The following CD68 variants were observed in gnomAD, a reference collection of about 807,000 sequenced individuals.
CD68 encodes macrosialin.
CD68 carries 24 observed loss-of-function variants against 31.3 expected under a neutral mutation model. That is an observed-to-expected ratio of 0.77 (90% CI 0.55 to 1.08). The LOEUF (loss-of-function observed/expected upper bound fraction) is 1.08. Among genes scored for constraint, CD68 ranks in the 50% least tolerant of loss-of-function variants. The pLI is 0.00. For missense variants in CD68, 461 were observed against 442.5 expected, an observed-to-expected ratio of 1.04 and a Z score of -0.38; for synonymous variants, 190 against 179.6, an observed-to-expected ratio of 1.06 and a Z score of -0.46.
chr17:7,580,280 G>A lies in CD68; in HGVS notation c.520G>A (p.Ala174Thr). 2 of 1,614,004 alleles carry A rather than the reference G, an allele frequency of 1.2e-6. No homozygotes were observed. Among genetic ancestry groups the A allele is most frequent in the African/African-American group, 2.7e-5 (2 of 74,994 alleles). The change falls in exon 2 of 6, where the codon GCC becomes ACC. Residue 174 changes from alanine to threonine, a missense_variant. Ala to Thr is a moderately conservative substitution (Grantham distance 58). Transcript: ENST00000250092. The surrounding 1 kb of genome is among the most constrained non-coding windows in gnomAD (Gnocchi z 4.3). ...TTCCCAGCCCTGTGTCCACCTCCAAGCCCAGATTCAGATTCGAGTCATGTA... is the reference window on the plus strand; with the variant it reads ...TTCCCAGCCCTGTGTCCACCTCCAAACCCAGATTCAGATTCGAGTCATGTA... ...NGSQPCVHLQ[A>T]QIQIRVMYTT...
chr17:7,580,999 C>G lies in CD68; in HGVS notation c.864C>G (p.Val288=). 6.2e-7 allele frequency: 1 copy of G among 1,614,022 alleles called. No homozygotes were observed. The highest frequency in any genetic ancestry group is 8.5e-7 in the Non-Finnish European group (1 of 1,179,940). ...CGAGCATCATTCTTTCACCAGCTGT[C>G]CACCTCGACCTGCTCTCCCTGAGGC... ...SNSSIILSPA[V]HLDLLSLRLQ... Residue 288 remains valine, a synonymous_variant, in exon 5 of 6, where the codon GTC becomes GTG. Coordinates refer to ENST00000250092, the MANE Select transcript of CD68 (RefSeq NM_001251.3). The surrounding 1 kb of genome is among the most constrained non-coding windows in gnomAD (Gnocchi z 4.3).
At position 7,580,754 on chromosome 17, in the gene CD68, A is replaced by G. The variant is rs201062245; in HGVS notation, c.731A>G (p.Glu244Gly). 6.2e-7 allele frequency: 1 copy of G among 1,614,000 alleles called. No individual in the cohort carries two copies. Among genetic ancestry groups the G allele is most frequent in the African/African-American group, 1.3e-5 (1 of 74,946 alleles). Residue 244 changes from glutamate (E) to glycine (G), a missense_variant, in exon 4 of 6, where the codon GAG becomes GGG. Transcript: ENST00000250092. The surrounding 1 kb of genome is among the most constrained non-coding windows in gnomAD (Gnocchi z 4.3). The stretch of plus-strand genomic sequence containing the variant: ...GTCTACCTGAGCTACATGGCGGTGG[A>G]GTACAATGTGTCCTTCCCCCACGCA... ...KVVYLSYMAVEYNVSFPHAAQ... is the reference protein window; with the variant it reads ...KVVYLSYMAVGYNVSFPHAAQ...
Position 7,581,844 on chromosome 17 carries a change from G to A in CD68, c.*333G>A. ...TTGGGAGGCTGAGGCAGAACTGCTT[G>A]AACCCAGGAGGTGGAGGTTGCAGTG... On this transcript the variant is annotated 3_prime_UTR_variant, in exon 6 of 6. Coordinates refer to ENST00000250092, the MANE Select transcript of CD68 (RefSeq NM_001251.3). The A allele has an allele frequency of 3.4e-6, 1 of 293,122 alleles. No homozygotes were observed. Among genetic ancestry groups the A allele is most frequent in the Non-Finnish European group, 6.8e-6 (1 of 147,670 alleles). 18.2% of individuals were successfully genotyped at this position (293,122 alleles called of 1,614,324 possible).
At chr17:7,581,091 C>T in intron 5 of CD68, 25 bp downstream of exon 5, 1 of 1,597,914 alleles carries the variant, frequency 6.3e-7, no homozygotes, top group Non-Finnish European at 8.6e-7. Flanking sequence ...CTCCTTCCCT[C>T]CTAGAATCCT....
chr17:7,581,309 T>C, intron 5 of CD68, 69 bp from the exon 6 acceptor site: 2 of 1,586,846 alleles, frequency 1.3e-6, no homozygotes, highest in South Asian at 2.2e-5. Context: ...ATCCCCCCAT[T>C]CCCTCCTCCC....
Position 7,581,645 on chromosome 17 carries a change from G to C in CD68, c.*134G>C. The C allele has an allele frequency of 1.0e-6, 1 of 965,720 alleles. No individual in the cohort carries two copies. The highest frequency in any genetic ancestry group is 1.5e-6 in the Non-Finnish European group (1 of 651,690). The allele number at this position is 965,720 out of a possible 1,614,324, so 59.8% of individuals were successfully genotyped here. A position where few individuals can be genotyped will look rare whatever the true frequency, so the allele number is the denominator to read the frequency against. On this transcript the variant is annotated 3_prime_UTR_variant, in exon 6 of 6. Transcript: ENST00000250092. Reference sequence around the variant, plus strand: ...TTCTTGAAGAACAAAAAGAAAGCCGGGCATGACGGCTCATGCCTGTAATCC... The same window carrying C: ...TTCTTGAAGAACAAAAAGAAAGCCGCGCATGACGGCTCATGCCTGTAATCC...
chr17:7,579,724 C>T lies in CD68; in HGVS notation c.47C>T (p.Ala16Val). 6.2e-7 allele frequency: 1 copy of T among 1,603,570 alleles called. No homozygotes were observed. Among genetic ancestry groups the T allele is most frequent in the Non-Finnish European group, 8.5e-7 (1 of 1,175,670 alleles). ...TCGGGGGCCCTGCTGGGGCTACTGGCAGGTAAGGAGGAAGGAGGCTGAGGG... is the reference window on the plus strand; with the variant it reads ...TCGGGGGCCCTGCTGGGGCTACTGGTAGGTAAGGAGGAAGGAGGCTGAGGG... ...LFSGALLGLL[A>V]AQGTGNDCPH... Residue 16 changes from alanine (A) to valine (V), a missense_variant and splice_region_variant, in exon 1 of 6, where the codon GCA becomes GTA. By Grantham distance (64) the Ala-to-Val change is moderately conservative. Transcript: ENST00000250092.
Position 7,580,758 on chromosome 17 carries a change from CAAT to C in CD68, c.736_738del (p.Asn246del). The C allele has an allele frequency of 6.2e-7, 1 of 1,614,100 alleles. No homozygotes were observed. Among genetic ancestry groups the C allele is most frequent in the Non-Finnish European group, 8.5e-7 (1 of 1,180,016 alleles). On this transcript the variant is annotated inframe_deletion, in exon 4 of 6. Coordinates refer to ENST00000250092, the MANE Select transcript of CD68 (RefSeq NM_001251.3). This position sits in a 1 kb window ranked among gnomAD's most constrained non-coding sequence, Gnocchi z 4.3. ...ACCTGAGCTACATGGCGGTGGAGTA[CAAT>C]GTGTCCTTCCCCCACGCAGCACGTA...
At position 7,579,822 on chromosome 17, in the gene CD68, G is replaced by A. The variant is rs749761693; in HGVS notation, c.62G>A (p.Gly21Glu). 3.7e-6 allele frequency: 6 copies of A among 1,613,600 alleles called. No individual in the cohort carries two copies. Among genetic ancestry groups the A allele is most frequent in the Admixed American group, 1.7e-5 (1 of 59,994 alleles). ...LLGLLAAQGT[G>E]NDCPHKKSAT... ...TCTCTGCCAAAAGCCCAGGGGACAG[G>A]GAATGACTGTCCTCACAAAAAATCA... The change falls in exon 2 of 6, where the codon GGG (glycine) becomes GAG (glutamate). Residue 21 changes from glycine (G) to glutamate (E), a missense_variant. Gly to Glu is a moderately conservative substitution (Grantham distance 98). Coordinates refer to ENST00000250092, the MANE Select transcript of CD68 (RefSeq NM_001251.3).
In CD68 at chr17:7,580,653, C is replaced by T. The variant is rs142412803; in HGVS notation, c.688-58C>T. The T allele has an allele frequency of 3.1e-4, 493 of 1,613,572 alleles. No individual in the cohort carries two copies. The highest frequency in any genetic ancestry group is 3.1e-4 in the Non-Finnish European group (365 of 1,179,568). ...GCGCCCCTCCCCTCCCAATCCCACA[C>T]GCTACTCCTTCCTCTGTGGAGAGGG... On this transcript the variant is annotated intron_variant, in intron 3 of 5. Coordinates refer to ENST00000250092, the MANE Select transcript of CD68 (RefSeq NM_001251.3). This position sits in a 1 kb window ranked among gnomAD's most constrained non-coding sequence, Gnocchi z 4.3.
rs1390890758 is a variant in CD68 at position 7,581,566 on chromosome 17, C to G, written c.*55C>G. 7 of 1,570,898 alleles carry G rather than the reference C, an allele frequency of 4.5e-6. No individual in the cohort carries two copies. Among genetic ancestry groups the G allele is most frequent in the Non-Finnish European group, 6.1e-6 (7 of 1,143,168 alleles). On this transcript the variant is annotated 3_prime_UTR_variant, in exon 6 of 6. Coordinates refer to ENST00000250092, the MANE Select transcript of CD68 (RefSeq NM_001251.3). ...GGGGTTGGGGTGTGGTGGGGGGGTA[C>G]CCTTATTTCCTCGACACGCAACTGG...
Position 7,579,839 on chromosome 17 carries a change from A to G in CD68, c.79A>G (p.Lys27Glu), listed in dbSNP as rs145082672. The change falls in exon 2 of 6, where the codon AAA becomes GAA. Residue 27 changes from lysine (K) to glutamate (E), a missense_variant. Physicochemically the swap from Lys to Glu is moderately conservative, Grantham distance 56. Coordinates refer to ENST00000250092, the MANE Select transcript of CD68 (RefSeq NM_001251.3). ...GGGGACAGGGAATGACTGTCCTCACAAAAAATCAGCTACTTTGCTGCCATC... is the reference window on the plus strand; with the variant it reads ...GGGGACAGGGAATGACTGTCCTCACGAAAAATCAGCTACTTTGCTGCCATC... Reference protein sequence around the residue: ...AQGTGNDCPHKKSATLLPSFT... With the variant: ...AQGTGNDCPHEKSATLLPSFT... 62 of 1,613,928 alleles carry G rather than the reference A, an allele frequency of 3.8e-5. 1 individual carries two copies. The African/African-American group carries it at 6.1e-4, about 16-fold the overall frequency.
chr17:7,581,450 C>G lies in CD68; in HGVS notation c.1004C>G (p.Ala335Gly). ...GGCCTGATCCTTCTTGGCCTCCTCG[C>G]CCTGGTGCTTATTGCTTTCTGCATC... ...IIGLILLGLL[A>G]LVLIAFCIIR... The change falls in exon 6 of 6, where the codon GCC becomes GGC. Residue 335 changes from alanine to glycine, a missense_variant. Transcript: ENST00000250092. The G allele has an allele frequency of 6.2e-7, 1 of 1,614,164 alleles. No homozygotes were observed. Among genetic ancestry groups the G allele is most frequent in the Non-Finnish European group, 8.5e-7 (1 of 1,180,028 alleles).
intron 5 of CD68, 125 bp downstream of exon 5, chr17:7,581,191 G>C: frequency 8.6e-7 from 1 of 1,158,180 alleles, no homozygotes; most frequent in Admixed American, 1.9e-5. Flanking sequence ...GCTTGTCATG[G>C]CTACAGGGCA....
Position 7,579,976 on chromosome 17 carries a change from C to A in CD68, c.216C>A (p.His72Gln), listed in dbSNP as rs748014817. 5 of 1,613,940 alleles carry A rather than the reference C, an allele frequency of 3.1e-6. No individual in the cohort carries two copies. In the South Asian group the frequency reaches 5.5e-5, roughly 18 times the overall value. The change falls in exon 2 of 6, where the codon CAC becomes CAA. Residue 72 changes from histidine (H) to glutamine (Q), a missense_variant. Transcript: ENST00000250092. ...CAACCACCACAGGCACCACCAGCCA[C>A]GGACCCACGACTGCCACTCACAACC... ...HRTTTTGTTS[H>Q]GPTTATHNPT...
chr17:7,581,346 G>A, intron 5 of CD68, 32 bp from the exon 6 acceptor site: 1 of 1,613,762 alleles, frequency 6.2e-7, no homozygotes, highest in Non-Finnish European at 8.5e-7. Flanking sequence ...GCACGTCACT[G>A]CAAATACCTA....
At position 7,580,426 on chromosome 17, in the gene CD68, G is replaced by A. The variant is rs764361635; in HGVS notation, c.568-40G>A. The A allele has an allele frequency of 6.8e-6, 11 of 1,612,406 alleles. No homozygotes were observed. Among genetic ancestry groups the A allele is most frequent in the Middle Eastern group, 1.7e-4 (1 of 6,058 alleles). On this transcript the variant is annotated intron_variant, in intron 2 of 5. Transcript: ENST00000250092. The surrounding 1 kb of genome is among the most constrained non-coding windows in gnomAD (Gnocchi z 4.3). ...GGGACAGGGAACCTTGGCCGGCATC[G>A]CATGCAGTCTTGTGACCTTCCAGTC...
chr17:7,580,885 C>G lies in CD68; in HGVS notation c.761-11C>G. 1 of 1,614,024 alleles carries G rather than the reference C, an allele frequency of 6.2e-7. No homozygotes were observed. Among genetic ancestry groups the G allele is most frequent in the Non-Finnish European group, 8.5e-7 (1 of 1,179,962 alleles). On this transcript the variant is annotated splice_polypyrimidine_tract_variant and intron_variant, in intron 4 of 5. Coordinates refer to ENST00000250092, the MANE Select transcript of CD68 (RefSeq NM_001251.3). This position sits in a 1 kb window ranked among gnomAD's most constrained non-coding sequence, Gnocchi z 4.3. ...AGGTGGATAGGATCTGACCCTTCCT[C>G]ACTCCTCCAGAGTGGACATTCTCGG...
In CD68 at chr17:7,580,053, C is replaced by T. The variant is rs1172739535; in HGVS notation, c.293C>T (p.Thr98Ile). The change falls in exon 2 of 6, where the codon ACT becomes ATT. Residue 98 changes from threonine to isoleucine, a missense_variant. Thr to Ile is a moderately conservative substitution (Grantham distance 89, BLOSUM62 -1). Transcript: ENST00000250092. The surrounding 1 kb of genome is among the most constrained non-coding windows in gnomAD (Gnocchi z 4.3). ...NVTVHPTSNS[T>I]ATSQGPSTAT... ...ACAGTTCATCCAACAAGCAATAGCA[C>T]TGCCACCAGCCAGGGACCCTCAACT... 1.9e-6 allele frequency: 3 copies of T among 1,614,024 alleles called. No individual in the cohort carries two copies. The highest frequency in any genetic ancestry group is 3.3e-5 in the Admixed American group (2 of 60,016).
Sources: allele counts gnomAD v4.1 joint callset, GRCh38; gene constraint gnomAD v4.1.1; non-coding constraint Gnocchi (gnomAD v3.1); transcripts MANE v1.5; gene names NCBI Gene and HGNC (gene_info 2026-07-23, HGNC 2026-07-21).